Variants in AFF1 observed in about 807,000 individuals in gnomAD.
The protein encoded by AFF1 is ALF transcription elongation factor 1, also known as AF4/FMR2 family member 1.
AFF1 carries 48 observed loss-of-function variants against 121.7 expected under a neutral mutation model. The observed-to-expected ratio is 0.39, with a 90% confidence interval of 0.31 to 0.50. AFF1 has a LOEUF of 0.50. Among genes scored for constraint, AFF1 ranks in the 20% least tolerant of loss-of-function variants. The probability of loss-of-function intolerance (pLI) is 0.76; values close to 1 mark genes in which losing one functional copy is unlikely to be tolerated. For synonymous variants in AFF1, 613 were observed against 563.0 expected (o/e 1.09, Z -1.26); for missense variants, 1,523 against 1,511.7 (o/e 1.01, Z -0.12).
Position 87,136,381 on chromosome 4 carries a change from A to C in AFF1, c.*680A>C, listed in dbSNP as rs1243323345. The stretch of plus-strand genomic sequence containing the variant: ...GCCTAGAGCGCTGCACATTGACCCC[A>C]GCTCTGACTTCTCATTACTGTGCTG... On this transcript the variant is annotated 3_prime_UTR_variant, in exon 21 of 21. Coordinates refer to ENST00000395146, the MANE Select transcript of AFF1 (RefSeq NM_001166693.3). The C allele has an allele frequency of 8.6e-6, 2 of 232,252 alleles. No individual in the cohort carries two copies. The highest frequency in any genetic ancestry group is 1.2e-4 in the East Asian group (2 of 16,460). The allele number at this position is 232,252 out of a possible 1,614,324, so 14.4% of individuals were successfully genotyped here.
chr4:86,949,961 A>G (rs1206280676), intron 2 of AFF1: 3 of 1,614,088 alleles, frequency 1.9e-6, no homozygotes, highest in Non-Finnish European at 2.5e-6. Context: ...GGCCATGTGG[A>G]TGGAGAAGTT....
At chr4:87,127,157 TGTTTTGCTTCCCCCCCCCACCAA>T (rs1728334307) in intron 15 of AFF1, 40 bp downstream of exon 15, 2 of 1,515,280 alleles carry the variant, frequency 1.3e-6, no homozygotes, top group African/African-American at 2.9e-5. Context: ...TGTTTTGTTT[TGTTTTGCTTCCCCCCCCCACCAA>T]GATAGAGTCT....
intron 2 of AFF1, among the ~76,000 whole-genome samples, chr4:86,981,076 A>G (rs1323397660): frequency 6.6e-6 from 1 of 150,668 alleles, no homozygotes; most frequent in Non-Finnish European, 1.5e-5. Context: ...GCAGTGGCAC[A>G]ATCTCGGCTC....
At chr4:86,971,297 A>G (rs1490758268) in intron 2 of AFF1, among the ~76,000 whole-genome samples, 1 of 152,168 alleles carries the variant, frequency 6.6e-6, no homozygotes, top group Non-Finnish European at 1.5e-5. Context: ...CCTAGCATGC[A>G]TTATAACATG....
At chr4:87,003,270 A>C (rs567926744) in intron 2 of AFF1, among the ~76,000 whole-genome samples, 1 of 151,816 alleles carries the variant, frequency 6.6e-6, no homozygotes, top group African/African-American at 2.4e-5. Flanking sequence ...TTTTCCATTT[A>C]TTCATTTATT....
At chr4:87,091,727 C>T (rs1724332501) in intron 6 of AFF1, 66 bp from the exon 7 acceptor site, 2 of 1,104,366 alleles carry the variant, frequency 1.8e-6, no homozygotes, top group Admixed American at 2.7e-5. Context: ...AAAAGCTCAA[C>T]GGTTTTCTCT....
At chr4:87,118,820 A>G (rs570001453) in intron 12 of AFF1, among the ~76,000 whole-genome samples, 1 of 152,362 alleles carries the variant, frequency 6.6e-6, no homozygotes, top group East Asian at 1.9e-4. Context: ...AAAATGCACA[A>G]AAAACCAAGG....
At chr4:86,991,705 C>T (rs1483274033) in intron 2 of AFF1, among the ~76,000 whole-genome samples, 3 of 151,876 alleles carry the variant, frequency 2.0e-5, no homozygotes, top group African/African-American at 7.3e-5. Context: ...CAGTGGACAT[C>T]CCTTAACTAC....
chr4:86,992,765 G>T (rs1166536434), intron 2 of AFF1, among the ~76,000 whole-genome samples: 1 of 152,190 alleles, frequency 6.6e-6, no homozygotes, highest in Non-Finnish European at 1.5e-5. Flanking sequence ...TTTCTTAAAT[G>T]AATTCTTAAA....
At chr4:87,087,406 G>C (rs569590167) in intron 5 of AFF1, among the ~76,000 whole-genome samples, 8 of 152,336 alleles carry the variant, frequency 5.3e-5, no homozygotes, top group Non-Finnish European at 1.0e-4. Context: ...CCTCGAGGTG[G>C]TATCAAGTTG....
intron 2 of AFF1, among the ~76,000 whole-genome samples, chr4:87,033,072 C>T (rs1278366706): frequency 6.6e-6 from 1 of 152,168 alleles, no homozygotes; most frequent in Non-Finnish European, 1.5e-5. Context: ...ATCCCTTGAG[C>T]CCAGAAGTTG....
chr4:87,077,903 G>A (rs9998251), intron 4 of AFF1, among the ~76,000 whole-genome samples: 48,419 of 152,078 alleles, frequency 0.32, 8,242 homozygotes, highest in South Asian at 0.46. Flanking sequence ...TACACATTTA[G>A]ATTGTTTCCA....
intron 2 of AFF1, among the ~76,000 whole-genome samples, chr4:87,045,950 G>A (rs970416645): frequency 2.0e-5 from 3 of 152,084 alleles, no homozygotes; most frequent in African/African-American, 7.2e-5. Flanking sequence ...CTTGGGTTTT[G>A]GGAGCCAGGA....
In AFF1 at chr4:87,132,308, C is replaced by T. The variant is rs867215989; in HGVS notation, c.3211C>T (p.Arg1071Cys). 8.1e-6 allele frequency: 13 copies of T among 1,612,606 alleles called. No homozygotes were observed. The highest frequency in any genetic ancestry group is 1.7e-5 in the Admixed American group (1 of 59,638). ...GTCCATTTTGAACATGGCGATGTTTCGTTGTAAAAAAGACATAGCAATAAA... is the reference window on the plus strand; with the variant it reads ...GTCCATTTTGAACATGGCGATGTTTTGTTGTAAAAAAGACATAGCAATAAA... ...CQSILNMAMF[R>C]CKKDIAIKYS... Residue 1071 changes from arginine to cysteine, a missense_variant, in exon 19 of 21, where the codon CGT becomes TGT. Physicochemically the swap from Arg to Cys is radical, Grantham distance 180. Transcript: ENST00000395146.
At chr4:87,070,309 T>G (rs1237789699) in intron 4 of AFF1, among the ~76,000 whole-genome samples, 2 of 151,650 alleles carry the variant, frequency 1.3e-5, no homozygotes, top group Non-Finnish European at 2.9e-5. Flanking sequence ...GACCTAATTT[T>G]TGTATTTTTA....
chr4:86,945,623 C>T (rs1158846396), intron 1 of AFF1, among the ~76,000 whole-genome samples: 3 of 151,106 alleles, frequency 2.0e-5, no homozygotes, highest in Non-Finnish European at 4.4e-5. Context: ...GCCTCAGCCT[C>T]CTCAGTAGCT....
At chr4:86,973,216 G>A (rs537177204) in intron 2 of AFF1, among the ~76,000 whole-genome samples, 1 of 152,282 alleles carries the variant, frequency 6.6e-6, no homozygotes, top group Admixed American at 6.5e-5. Flanking sequence ...GCTGTAGGGA[G>A]GTTCCTTTGG....
At chr4:87,075,208 A>G (rs1359024335) in intron 4 of AFF1, among the ~76,000 whole-genome samples, 1 of 152,128 alleles carries the variant, frequency 6.6e-6, no homozygotes, top group Non-Finnish European at 1.5e-5. Flanking sequence ...TATAAGTTTC[A>G]GTGATGTCTT....
chr4:87,106,893 G>C (rs983390296), intron 10 of AFF1, among the ~76,000 whole-genome samples: 1 of 152,168 alleles, frequency 6.6e-6, no homozygotes, highest in Non-Finnish European at 1.5e-5. Context: ...CATAAGGTTT[G>C]CTTGTTCAAT....
Sources: gnomAD v4.1 joint callset for allele counts (sites outside exome capture counted in the v4.1 genomes callset) on GRCh38, gnomAD v4.1.1 for gene constraint, MANE v1.5 for transcripts, NCBI Gene and HGNC (gene_info 2026-07-23, HGNC 2026-07-21) for gene names.